The following TOX2 variants were observed in gnomAD, a reference collection of about 807,000 sequenced individuals.
TOX2 encodes TOX high mobility group box family member 2.
In TOX2, 15 loss-of-function variants were observed where a neutral mutation model predicts 47.4. That is an observed-to-expected ratio of 0.32 (90% CI 0.21 to 0.49). TOX2 has a LOEUF of 0.49. Among genes scored for constraint, TOX2 ranks in the 20% least tolerant of loss-of-function variants. TOX2 has a pLI of 0.99. For synonymous variants in TOX2, 290 were observed against 296.6 expected (o/e 0.98, Z 0.23); for missense variants, 622 against 673.1 (o/e 0.92, Z 0.84).
At chr20:43,981,049 C>T (rs1009469136) in intron 2 of TOX2, among the ~76,000 whole-genome samples, 1 of 152,112 alleles carries the variant, frequency 6.6e-6, no homozygotes, top group East Asian at 1.9e-4. Context: ...CAATAGTTTA[C>T]AGAAAAAGAA....
At chr20:43,954,936 C>T (rs2069641010) in intron 1 of TOX2, among the ~76,000 whole-genome samples, 1 of 152,176 alleles carries the variant, frequency 6.6e-6, no homozygotes, top group African/African-American at 2.4e-5. Flanking sequence ...CCTTCTAGCA[C>T]GTGACTCCTG....
chr20:44,024,016 A>T (rs2071020131), intron 3 of TOX2, among the ~76,000 whole-genome samples: 1 of 152,110 alleles, frequency 6.6e-6, no homozygotes, highest in Non-Finnish European at 1.5e-5. Flanking sequence ...GCTTTATCAT[A>T]CTTCTGTATT....
chr20:44,068,381 G>A (rs1449025947), intron 8 of TOX2, among the ~76,000 whole-genome samples: 1 of 152,082 alleles, frequency 6.6e-6, no homozygotes, highest in Non-Finnish European at 1.5e-5. Flanking sequence ...TGACATCGGC[G>A]TGCGCCTCGA....
chr20:43,962,486 G>A (rs190596948), intron 1 of TOX2, among the ~76,000 whole-genome samples: 9 of 152,312 alleles, frequency 5.9e-5, no homozygotes, highest in African/African-American at 1.7e-4. Flanking sequence ...TCATCACCAC[G>A]TTCACCCCCA....
intron 1 of TOX2, among the ~76,000 whole-genome samples, chr20:43,960,096 T>C (rs970905485): frequency 2.0e-5 from 3 of 152,186 alleles, no homozygotes; most frequent in Non-Finnish European, 4.4e-5. Flanking sequence ...CCTTGTGAGG[T>C]TGTCGTGAGG....
rs6103549 is a variant in TOX2 at position 43,991,349 on chromosome 20, C to A, written c.166-15198C>A. On this transcript the variant is annotated intron_variant, in intron 2 of 8. Coordinates refer to ENST00000341197, the MANE Select transcript of TOX2 (RefSeq NM_001098797.2). ...TGCAGCACTGAGCCCAATGCCATAG[C>A]AGACCATTAGGATGTTCATTCATTC... Among the ~76,000 whole-genome samples the A allele has an allele frequency of 6.0e-3, 914 of 152,332 alleles. 11 individuals carry two copies. The highest frequency in any genetic ancestry group is 0.021 in the African/African-American group (891 of 41,570).
At chr20:43,936,747 C>T (rs1445819642) in intron 1 of TOX2, among the ~76,000 whole-genome samples, 2 of 152,186 alleles carry the variant, frequency 1.3e-5, no homozygotes, top group African/African-American at 4.8e-5. Flanking sequence ...GCTTGTGTCA[C>T]CTTTGTTGTT....
intron 3 of TOX2, among the ~76,000 whole-genome samples, chr20:44,026,848 A>ATCC (rs1177593141): frequency 6.6e-6 from 1 of 152,134 alleles, no homozygotes; most frequent in Non-Finnish European, 1.5e-5. Context: ...GGGTGAGGCC[A>ATCC]CTGAGCCCCA....
intron 1 of TOX2, among the ~76,000 whole-genome samples, chr20:43,921,626 G>A (rs1264897608): frequency 6.6e-6 from 1 of 151,480 alleles, no homozygotes; most frequent in Non-Finnish European, 1.5e-5. Context: ...GCTGGAGGAT[G>A]CTCCACAGCT....
intron 3 of TOX2, among the ~76,000 whole-genome samples, chr20:44,049,833 TATGACTGTATAGTACTTC>T (rs1023658150): frequency 6.6e-6 from 1 of 152,244 alleles, no homozygotes; most frequent in African/African-American, 2.4e-5. Context: ...CATCCCTTTT[TATGACTGTATAGTACTTC>T]ATGATAGGTA....
chr20:44,056,455 G>C (rs2071618769), intron 5 of TOX2, among the ~76,000 whole-genome samples: 1 of 152,148 alleles, frequency 6.6e-6, no homozygotes, highest in South Asian at 2.1e-4. Context: ...GTTTTATACA[G>C]TCTGGGGAGA....
intron 6 of TOX2, 31 bp downstream of exon 6, chr20:44,064,888 G>A (rs1482092961): frequency 1.9e-6 from 3 of 1,605,648 alleles, no homozygotes; most frequent in South Asian, 2.2e-5. Flanking sequence ...GCACAGCCCT[G>A]ATCAGAGTGG....
intron 3 of TOX2, among the ~76,000 whole-genome samples, chr20:44,008,381 G>A (rs939250072): frequency 2.0e-5 from 3 of 152,056 alleles, no homozygotes; most frequent in African/African-American, 7.2e-5. Flanking sequence ...TCAACATGGT[G>A]AAATTCTGTC....
intron 5 of TOX2, among the ~76,000 whole-genome samples, chr20:44,060,250 A>C (rs550006990): frequency 6.6e-6 from 1 of 152,356 alleles, no homozygotes; most frequent in South Asian, 2.1e-4. Context: ...AAATTTAAAA[A>C]AATAATTACT....
intron 2 of TOX2, among the ~76,000 whole-genome samples, chr20:43,993,784 A>G (rs993888910): frequency 5.9e-5 from 9 of 152,336 alleles, no homozygotes; most frequent in African/African-American, 2.2e-4. Flanking sequence ...CTGCAGAAAA[A>G]GTTTGCTGGG....
intron 8 of TOX2, 69 bp from the exon 9 acceptor site, chr20:44,068,581 G>A: frequency 6.4e-7 from 1 of 1,556,160 alleles, no homozygotes; most frequent in Non-Finnish European, 8.7e-7. Flanking sequence ...GTACAGTGCA[G>A]GGGTCCTGGT....
At chr20:43,958,944 C>T (rs118050301) in intron 1 of TOX2, among the ~76,000 whole-genome samples, 82 of 152,334 alleles carry the variant, frequency 5.4e-4, no homozygotes, top group South Asian at 1.2e-3. Flanking sequence ...AACTCATTGG[C>T]ACATGCCATG....
intron 1 of TOX2, among the ~76,000 whole-genome samples, chr20:43,936,287 T>C (rs6017221): frequency 0.017 from 2,638 of 152,326 alleles, 80 homozygotes; most frequent in African/African-American, 0.061. Flanking sequence ...TGTTTTCAAC[T>C]TGATGTTGAG....
In TOX2 at chr20:43,954,922, A is replaced by T. The variant is rs150301010; in HGVS notation, c.100-18445A>T. 3.3e-5 allele frequency among the ~76,000 whole-genome samples: 5 copies of T among 152,306 alleles called. No individual in the cohort carries two copies. The East Asian group carries it at 9.6e-4, about 29-fold the overall frequency. ...CTATGTAAAATGGGCATACAGAGGG[A>T]CAGCCTTCTAGCACGTGACTCCTGG... is the stretch of plus-strand genomic sequence containing the variant. On this transcript the variant is annotated intron_variant, in intron 1 of 8. Transcript: ENST00000341197.
Sources: gnomAD v4.1 joint callset for allele counts (sites outside exome capture counted in the v4.1 genomes callset) on GRCh38, gnomAD v4.1.1 for gene constraint, MANE v1.5 for transcripts, NCBI Gene and HGNC (gene_info 2026-07-23, HGNC 2026-07-21) for gene names.